Variants in SPAG5 observed in about 807,000 individuals in gnomAD.
The protein encoded by SPAG5 is sperm-associated antigen 5.
In SPAG5, 99 loss-of-function variants were observed where a neutral mutation model predicts 145.4. That is an observed-to-expected ratio of 0.68 (90% CI 0.58 to 0.80). SPAG5 has a LOEUF of 0.80. SPAG5 is among the 30% of genes least tolerant of loss of function. SPAG5 has a pLI of 0.00. For missense variants in SPAG5, 1,192 were observed against 1,416.0 expected, an observed-to-expected ratio of 0.84 and a Z score of 2.54; for synonymous variants, 477 against 525.4, an observed-to-expected ratio of 0.91 and a Z score of 1.26.
chr17:28,598,390 T>G, intron 2 of SPAG5, 120 bp downstream of exon 2: 1 of 1,248,188 alleles, frequency 8.0e-7, no homozygotes, highest in South Asian at 1.5e-5. Flanking sequence ...TGTAAATGGA[T>G]GTCACCGACG....
intron 15 of SPAG5, 143 bp downstream of exon 15, chr17:28,583,368 G>T: frequency 1.2e-6 from 1 of 842,960 alleles, no homozygotes; most frequent in African/African-American, 1.8e-5. Flanking sequence ...GGGGAAGAAA[G>T]GTTTGAGCAA....
Position 28,579,451 on chromosome 17 carries a change from C to T in SPAG5, c.2919G>A (p.Met973Ile), listed in dbSNP as rs765126624. Residue 973 changes from methionine (M) to isoleucine (I), a missense_variant, in exon 18 of 24, where the codon ATG becomes ATA. Coordinates refer to ENST00000321765, the MANE Select transcript of SPAG5 (RefSeq NM_006461.4). ...TPGMEESLAE[M>I]SIMTTELQSL... ...TCTGAAGCTCAGTAGTCATAATACTCATTTCTGCCAGGCTCTCCTCCATGC... is the reference window on the plus strand; with the variant it reads ...TCTGAAGCTCAGTAGTCATAATACTTATTTCTGCCAGGCTCTCCTCCATGC... 1.2e-6 allele frequency: 2 copies of T among 1,613,958 alleles called. No homozygotes were observed. The highest frequency in any genetic ancestry group is 1.7e-6 in the Non-Finnish European group (2 of 1,179,990).
Position 28,591,884 on chromosome 17 carries a change from A to G in SPAG5, c.1263-12T>C. ...GATCTGGAGGCCGGCTGCAGCAGAA[A>G]GAGAAGAACATGACGAAAAGAAAAG... On this transcript the variant is annotated splice_polypyrimidine_tract_variant and intron_variant, in intron 3 of 23. Transcript: ENST00000321765. The G allele has an allele frequency of 6.2e-7, 1 of 1,612,964 alleles. No homozygotes were observed. Among genetic ancestry groups the G allele is most frequent in the Admixed American group, 1.7e-5 (1 of 59,976 alleles).
At chr17:28,587,545 C>G in intron 4 of SPAG5, among the ~76,000 whole-genome samples, 1 of 145,528 alleles carries the variant, frequency 6.9e-6, no homozygotes, top group Admixed American at 6.8e-5. Context: ...AACTCCGTCT[C>G]AAAAAAAAAA....
chr17:28,584,109 T>C, intron 13 of SPAG5, 41 bp downstream of exon 13: 1 of 1,611,276 alleles, frequency 6.2e-7, no homozygotes, highest in African/African-American at 1.3e-5. Context: ...ATCACACTCC[T>C]GAGGCTTACC....
chr17:28,583,055 GC>G (rs1189151321), intron 15 of SPAG5, among the ~76,000 whole-genome samples: 1 of 152,182 alleles, frequency 6.6e-6, no homozygotes, highest in African/African-American at 2.4e-5. Context: ...ATGGCTCACT[GC>G]AGCCTCAACT....
Position 28,598,919 on chromosome 17 carries a change from T to C in SPAG5, c.28A>G (p.Ser10Gly). The C allele has an allele frequency of 3.1e-6, 5 of 1,614,110 alleles. No homozygotes were observed. Among genetic ancestry groups the C allele is most frequent in the Non-Finnish European group, 3.4e-6 (4 of 1,180,010 alleles). ...ACCGTCTGGGGCGAAGGCGACAGGC[T>C]GAGGCTCAGTTTTTTCACTCGCCAC... MWRVKKLSL[S>G]LSPSPQTGKP... is the part of the protein sequence containing the mutation. The change falls in exon 1 of 24, where the codon AGC (serine) becomes GGC (glycine). Residue 10 changes from serine to glycine, a missense_variant. Around this residue, in one of 5 missense-constraint regions of SPAG5, gnomAD observed 329 missense variants for 354.0 expected, o/e 0.93. Transcript: ENST00000321765.
intron 2 of SPAG5, among the ~76,000 whole-genome samples, chr17:28,597,907 C>G (rs2070678786): frequency 6.6e-6 from 1 of 152,188 alleles, no homozygotes; most frequent in Non-Finnish European, 1.5e-5. Flanking sequence ...TTCAGGAAGA[C>G]AATTTTTCCA....
At position 28,598,987 on chromosome 17, in the gene SPAG5, CGAG is replaced by C. The variant is rs1567628500; in HGVS notation, c.-44_-42del. ...AGGCCTATCACGTCTCAGACCAAGT[CGAG>C]GACGCCATGTTCACCCGCCGTCTGT... On this transcript the variant is annotated 5_prime_UTR_variant, in exon 1 of 24. Transcript: ENST00000321765. The C allele has an allele frequency of 6.2e-7, 1 of 1,600,244 alleles. No homozygotes were observed. The highest frequency in any genetic ancestry group is 2.2e-5 in the East Asian group (1 of 44,816).
At chr17:28,591,574 G>C in intron 4 of SPAG5, 124 bp downstream of exon 4, 1 of 943,900 alleles carries the variant, frequency 1.1e-6, no homozygotes, top group African/African-American at 1.6e-5. Context: ...CAGATTCTCA[G>C]CTTTTGCAAA....
At position 28,577,722 on chromosome 17, in the gene SPAG5, C is replaced by T. The variant is rs906585530; in HGVS notation, c.3559G>A (p.Gly1187Arg). 1.2e-6 allele frequency: 2 copies of T among 1,613,732 alleles called. No homozygotes were observed. The highest frequency in any genetic ancestry group is 4.5e-5 in the East Asian group (2 of 44,898). ...TCTTAGCTCAGAAATTCCAGCAATC[C>T]CTGTAGTTCTTTGCATCCCCTCACC... Reference protein sequence around the residue: ...EVVRGCKELQGLLEFLS With the variant: ...EVVRGCKELQRLLEFLS The change falls in exon 24 of 24, where the codon GGA (glycine) becomes AGA (arginine). Residue 1187 changes from glycine (G) to arginine (R), a missense_variant. Transcript: ENST00000321765.
At position 28,598,912 on chromosome 17, in the gene SPAG5, G is replaced by C. The variant is rs2070689679; in HGVS notation, c.35C>G (p.Ser12Trp). ...WRVKKLSLSL[S>W]PSPQTGKPSM... ...CCCGCTTACCGTCTGGGGCGAAGGC[G>C]ACAGGCTGAGGCTCAGTTTTTTCAC... Residue 12 changes from serine to tryptophan, a missense_variant, in exon 1 of 24, where the codon TCG (serine) becomes TGG (tryptophan). Coordinates refer to ENST00000321765, the MANE Select transcript of SPAG5 (RefSeq NM_006461.4). 2.5e-6 allele frequency: 4 copies of C among 1,613,960 alleles called. No individual in the cohort carries two copies. The highest frequency in any genetic ancestry group is 3.4e-6 in the Non-Finnish European group (4 of 1,179,980).
chr17:28,577,854 A>C, intron 23 of SPAG5, 84 bp from the exon 24 acceptor site: 3 of 1,292,694 alleles, frequency 2.3e-6, no homozygotes, highest in Non-Finnish European at 3.4e-6. Flanking sequence ...CCGCTGAATT[A>C]GAGGGGAGAA....
chr17:28,587,384 T>C (rs1433753496), intron 4 of SPAG5, among the ~76,000 whole-genome samples: 1 of 150,354 alleles, frequency 6.7e-6, no homozygotes, highest in Non-Finnish European at 1.5e-5. Context: ...CCATGTCTAC[T>C]AAAACTACAA....
At chr17:28,581,879 A>G (rs2070551177) in intron 15 of SPAG5, among the ~76,000 whole-genome samples, 1 of 152,176 alleles carries the variant, frequency 6.6e-6, no homozygotes, top group Non-Finnish European at 1.5e-5. Context: ...CTTCCTGGGC[A>G]CAGAGCTGAC....
chr17:28,590,570 T>C (rs1044382566), intron 4 of SPAG5, among the ~76,000 whole-genome samples: 1 of 151,988 alleles, frequency 6.6e-6, no homozygotes, highest in Non-Finnish European at 1.5e-5. Flanking sequence ...TGAGAAATCT[T>C]CTTCACATAA....
rs539914180 is a variant in SPAG5, at chr17:28,591,745, G to C, written c.1390C>G (p.Pro464Ala). Residue 464 changes from proline to alanine, a missense_variant, in exon 4 of 24, where the codon CCA becomes GCA. Around this residue, in one of 5 missense-constraint regions of SPAG5, gnomAD observed 8 missense variants for 28.9 expected, o/e 0.28. Transcript: ENST00000321765. ...TGTGTGCTACTGTCCTGGGTTTCTG[G>C]GTGAGGGACAGCCAGCTGGCTCTTC... is the stretch of plus-strand genomic sequence containing the variant. ...DWKSQLAVPHPETQDSSTQTD... is the reference protein window; with the variant it reads ...DWKSQLAVPHAETQDSSTQTD... The C allele has an allele frequency of 6.2e-7, 1 of 1,614,148 alleles. No individual in the cohort carries two copies. The highest frequency in any genetic ancestry group is 1.3e-5 in the African/African-American group (1 of 75,038).
intron 4 of SPAG5, 143 bp downstream of exon 4, chr17:28,591,555 G>A (rs912896607): frequency 8.4e-5 from 67 of 795,940 alleles, no homozygotes; most frequent in Admixed American, 5.4e-5. Flanking sequence ...ATCAGCCATT[G>A]TGACTGCCCA....
chr17:28,587,717 C>CAAAAA (rs765826333), intron 4 of SPAG5, among the ~76,000 whole-genome samples: 2 of 48,846 alleles, frequency 4.1e-5, no homozygotes, highest in South Asian at 7.1e-4. Context: ...GACCTCGTCT[C>CAAAAA]AAAAAAAAAA....
Sources: allele counts gnomAD v4.1 joint callset (sites outside exome capture counted in the v4.1 genomes callset), GRCh38; gene constraint gnomAD v4.1.1; regional missense constraint gnomAD v4.1.1; transcripts MANE v1.5; gene names NCBI Gene and HGNC (gene_info 2026-07-23, HGNC 2026-07-21).